Variants in NRXN3 observed in about 807,000 individuals in gnomAD.
NRXN3 encodes the protein neurexin 3.
A neutral mutation model predicts 137.6 loss-of-function variants in NRXN3; 32 were observed. The observed-to-expected ratio is 0.23, with a 90% CI of 0.18 to 0.31. The LOEUF is 0.31. NRXN3 is among the 10% of genes least tolerant of loss of function. The pLI, the probability that NRXN3 is intolerant of heterozygous loss-of-function variation, is 1.00. For missense variants in NRXN3, 1,574 were observed against 2,062.5 expected (o/e 0.76, Z 4.59); for synonymous variants, 798 against 784.5 (o/e 1.02, Z -0.29).
At chr14:79,491,090 TTC>T (rs1329129532) in intron 16 of NRXN3, among the ~76,000 whole-genome samples, 3 of 152,086 alleles carry the variant, frequency 2.0e-5, no homozygotes, top group Non-Finnish European at 2.9e-5. Flanking sequence ...GTGTGTTTTG[TTC>T]TGTTTTTTCT....
At chr14:78,999,426 T>C (rs1441463299) in intron 15 of NRXN3, among the ~76,000 whole-genome samples, 2 of 152,160 alleles carry the variant, frequency 1.3e-5, no homozygotes, top group East Asian at 3.8e-4. Flanking sequence ...ACTCAAAATA[T>C]ATTTGTTGGT....
intron 4 of NRXN3, among the ~76,000 whole-genome samples, chr14:78,468,793 A>C (rs1295974791): frequency 6.6e-6 from 1 of 152,190 alleles, no homozygotes; most frequent in Non-Finnish European, 1.5e-5. Flanking sequence ...GAAGTGACAT[A>C]GATCTTCTTG....
At chr14:78,903,678 A>G (rs1278442896) in intron 10 of NRXN3, among the ~76,000 whole-genome samples, 3 of 151,974 alleles carry the variant, frequency 2.0e-5, no homozygotes, top group Non-Finnish European at 4.4e-5. Flanking sequence ...CTAAATTACT[A>G]TTTATTATTG....
chr14:78,406,276 AT>A (rs1211971681), intron 4 of NRXN3, among the ~76,000 whole-genome samples: 3 of 152,118 alleles, frequency 2.0e-5, no homozygotes, highest in East Asian at 1.9e-4. Context: ...AGGTCTGGAT[AT>A]TTCTGTCTTG....
At chr14:78,683,778 A>G (rs2098099994) in intron 6 of NRXN3, among the ~76,000 whole-genome samples, 1 of 152,330 alleles carries the variant, frequency 6.6e-6, no homozygotes, top group Non-Finnish European at 1.5e-5. Context: ...GTCACTTTCC[A>G]AAGACTCCTT....
intron 4 of NRXN3, among the ~76,000 whole-genome samples, chr14:78,569,801 C>T (rs190454659): frequency 6.6e-6 from 1 of 152,174 alleles, no homozygotes; most frequent in East Asian, 2.0e-4. Context: ...CTCAAGTGAT[C>T]TACCCGCCTC....
At chr14:79,359,290 G>A (rs1308488882) in intron 15 of NRXN3, among the ~76,000 whole-genome samples, 1 of 152,128 alleles carries the variant, frequency 6.6e-6, no homozygotes, top group African/African-American at 2.4e-5. Context: ...AAGGGTGGGG[G>A]TGACTGTCCT....
chr14:79,218,347 A>T (rs1365690519), intron 15 of NRXN3, among the ~76,000 whole-genome samples: 1 of 152,176 alleles, frequency 6.6e-6, no homozygotes, highest in Non-Finnish European at 1.5e-5. Flanking sequence ...GCCTCCAAAA[A>T]CTGGGAGAAA....
intron 15 of NRXN3, among the ~76,000 whole-genome samples, chr14:79,250,771 T>G (rs2153373271): frequency 6.6e-6 from 1 of 152,306 alleles, no homozygotes; most frequent in East Asian, 1.9e-4. Flanking sequence ...ACAGAGAAAC[T>G]CTAATCAGGA....
chr14:78,566,200 C>A (rs896642313), intron 4 of NRXN3, among the ~76,000 whole-genome samples: 1 of 152,088 alleles, frequency 6.6e-6, no homozygotes, highest in African/African-American at 2.4e-5. Context: ...CAGGTGCCCC[C>A]GATGATCTCA....
At chr14:79,144,052 A>G (rs1475570231) in intron 15 of NRXN3, among the ~76,000 whole-genome samples, 1 of 152,206 alleles carries the variant, frequency 6.6e-6, no homozygotes, top group African/African-American at 2.4e-5. Flanking sequence ...CATTGTTAGA[A>G]ATAGCCAAGA....
chr14:78,252,157 CTTT>C (rs75377107), intron 2 of NRXN3, among the ~76,000 whole-genome samples: 1 of 143,962 alleles, frequency 6.9e-6, no homozygotes, highest in Non-Finnish European at 1.5e-5. Context: ...AAGTTTTTTT[CTTT>C]TTTTTTTTTT....
chr14:79,621,239 A>G (rs2098220643), intron 16 of NRXN3, among the ~76,000 whole-genome samples: 1 of 152,210 alleles, frequency 6.6e-6, no homozygotes, highest in Non-Finnish European at 1.5e-5. Flanking sequence ...TTATAAATAT[A>G]ATAATTACTA....
rs1310989034 is a variant in NRXN3, at chr14:78,678,932, C to G, written c.1221+27606C>G. 6.0e-4 allele frequency among the ~76,000 whole-genome samples: 92 copies of G among 152,252 alleles called. 1 individual carries two copies. The highest frequency in any genetic ancestry group is 1.3e-4 in the Non-Finnish European group (9 of 68,018). On this transcript the variant is annotated intron_variant, in intron 6 of 20. Coordinates refer to ENST00000335750, the MANE Select transcript of NRXN3 (RefSeq NM_001330195.2). The stretch of plus-strand genomic sequence containing the variant: ...TAAATTTAGAACTGTTGTAGTTCTT[C>G]TAGTCCTGCAGAATTTCATTACTCT...
At chr14:78,285,871 G>C (rs986128752) in intron 3 of NRXN3, among the ~76,000 whole-genome samples, 1 of 152,180 alleles carries the variant, frequency 6.6e-6, no homozygotes, top group East Asian at 1.9e-4. Flanking sequence ...TTGGAAGGGG[G>C]CCCTCAGCTG....
At chr14:78,881,619 GC>G (rs2099129370) in intron 10 of NRXN3, among the ~76,000 whole-genome samples, 1 of 151,630 alleles carries the variant, frequency 6.6e-6, no homozygotes, top group Admixed American at 6.6e-5. Flanking sequence ...AAATTTCTAA[GC>G]AGCAAAGTGT....
chr14:79,728,180 G>A (rs2098903402), intron 19 of NRXN3, among the ~76,000 whole-genome samples: 3 of 152,126 alleles, frequency 2.0e-5, no homozygotes, highest in Non-Finnish European at 4.4e-5. Context: ...AAAAGCAAAA[G>A]TAACTACCTG....
chr14:79,030,049 CTTTT>C (rs779570219), intron 15 of NRXN3, among the ~76,000 whole-genome samples: 3 of 128,066 alleles, frequency 2.3e-5, no homozygotes, highest in African/African-American at 8.6e-5. Flanking sequence ...TTCTTTCTTT[CTTTT>C]TTTTTTTTTG....
In NRXN3 at chr14:78,968,218, T is replaced by A; in HGVS notation, c.3014T>A (p.Leu1005His). The A allele has an allele frequency of 6.2e-7, 1 of 1,613,968 alleles. No individual in the cohort carries two copies. Among genetic ancestry groups the A allele is most frequent in the Non-Finnish European group, 8.5e-7 (1 of 1,179,932 alleles). Reference sequence around the variant, plus strand: ...CTGGCCCAAGGCATGTACAGCAACCTCCCAAAGCTCGTGGCCTCTCGAGAT... The same window carrying A: ...CTGGCCCAAGGCATGTACAGCAACCACCCAAAGCTCGTGGCCTCTCGAGAT... Reference protein sequence around the residue: ...AGLAQGMYSNLPKLVASRDGF... With the variant: ...AGLAQGMYSNHPKLVASRDGF... Residue 1005 changes from leucine (L) to histidine (H), a missense_variant, in exon 14 of 21, where the codon CTC (leucine) becomes CAC (histidine). Leu to His is a moderately conservative substitution (Grantham distance 99, BLOSUM62 -3). Transcript: ENST00000335750.
Sources: gnomAD v4.1 joint callset for allele counts (sites outside exome capture counted in the v4.1 genomes callset) on GRCh38, gnomAD v4.1.1 for gene constraint, MANE v1.5 for transcripts, NCBI Gene and HGNC (gene_info 2026-07-23, HGNC 2026-07-21) for gene names.